The following MUC17 variants were observed in gnomAD, a reference collection of about 807,000 sequenced individuals.
The protein encoded by MUC17 is mucin-17.
Under a neutral mutation model 170.3 loss-of-function variants are expected in MUC17, and 190 were observed. The observed-to-expected ratio is 1.12, with a 90% confidence interval of 0.99 to 1.26. The LOEUF is 1.26. Among genes scored for constraint, MUC17 ranks in the 50% most tolerant of loss-of-function variants. The pLI is 0.00. For synonymous variants in MUC17, 2,325 were observed against 2,002.5 expected (o/e 1.16, Z -4.30); for missense variants, 6,415 against 5,530.0 (o/e 1.16, Z -5.08).
Position 101,051,785 on chromosome 7 carries a change from C to G in MUC17, c.12944-18C>G. ...CCCTCTGATCACGGCTGTTCCCTGT[C>G]CCTGCACCCCCCACCAGAGGACTGC... On this transcript the variant is annotated intron_variant, in intron 8 of 12. Transcript: ENST00000306151. The G allele has an allele frequency of 1.9e-6, 3 of 1,611,352 alleles. No individual in the cohort carries two copies. Among genetic ancestry groups the G allele is most frequent in the Non-Finnish European group, 2.5e-6 (3 of 1,178,088 alleles).
At chr7:101,047,920 C>T in intron 3 of MUC17, 64 bp from the exon 4 acceptor site, 1 of 1,510,788 alleles carries the variant, frequency 6.6e-7, no homozygotes, top group East Asian at 2.4e-5. Flanking sequence ...TAGATCCCTG[C>T]TCCTTCCAGT....
intron 8 of MUC17, 27 bp downstream of exon 8, chr7:101,051,708 G>A (rs1264247185): frequency 3.1e-6 from 5 of 1,609,386 alleles, no homozygotes; most frequent in Non-Finnish European, 3.4e-6. Flanking sequence ...GGGGTTTGGG[G>A]GAAGGCTGGA....
rs768698865 is a variant in MUC17, at chr7:101,034,422, C to G, written c.3006C>G (p.Thr1002=). 6.2e-7 allele frequency: 1 copy of G among 1,607,032 alleles called. No individual in the cohort carries two copies. Among genetic ancestry groups the G allele is most frequent in the African/African-American group, 1.3e-5 (1 of 74,368 alleles). The change falls in exon 3 of 13, where the codon ACC becomes ACG. Residue 1002 remains threonine (T), a synonymous_variant. Transcript: ENST00000306151. ...HTLVANSEAS[T]LSTTPVDSNT... Reference sequence around the variant, plus strand: ...TGGTGGCCAATTCTGAGGCTAGCACCCTTTCAACAACTCCTGTTGACTCCA... The same window carrying G: ...TGGTGGCCAATTCTGAGGCTAGCACGCTTTCAACAACTCCTGTTGACTCCA...
Position 101,035,902 on chromosome 7 carries a change from C to T in MUC17, c.4486C>T (p.Pro1496Ser), listed in dbSNP as rs1189907197. 5 of 1,612,208 alleles carry T rather than the reference C, an allele frequency of 3.1e-6. No individual in the cohort carries two copies. The highest frequency in any genetic ancestry group is 2.2e-5 in the East Asian group (1 of 44,734). ...VVTSTAVSSS[P>S]TPAEGTSIAI... ...CACTTCTACAGCAGTCAGTTCATCT[C>T]CTACACCTGCTGAAGGTACCAGCAT... The change falls in exon 3 of 13, where the codon CCT becomes TCT. Residue 1496 changes from proline (P) to serine (S), a missense_variant. Transcript: ENST00000306151.
At chr7:101,030,473 T>G (rs1794258996) in intron 1 of MUC17, among the ~76,000 whole-genome samples, 1 of 152,214 alleles carries the variant, frequency 6.6e-6, no homozygotes, top group Admixed American at 6.5e-5. Context: ...TCCACCTGCC[T>G]CAGCTTCCCA....
At chr7:101,057,221 G>T (rs1795061001) in intron 12 of MUC17, among the ~76,000 whole-genome samples, 1 of 152,066 alleles carries the variant, frequency 6.6e-6, no homozygotes, top group Non-Finnish European at 1.5e-5. Flanking sequence ...GGTCACTTGG[G>T]CAAAAAGTGA....
At chr7:101,024,143 G>T (rs902625967) in intron 1 of MUC17, among the ~76,000 whole-genome samples, 2 of 151,964 alleles carry the variant, frequency 1.3e-5, no homozygotes, top group African/African-American at 4.8e-5. Flanking sequence ...ATTCATGCCT[G>T]TAATCCCAGC....
Position 101,033,739 on chromosome 7 carries a change from A to T in MUC17, c.2323A>T (p.Ser775Cys). The change falls in exon 3 of 13, where the codon AGC becomes TGC. Residue 775 changes from serine to cysteine, a missense_variant. Coordinates refer to ENST00000306151, the MANE Select transcript of MUC17 (RefSeq NM_001040105.2). Reference sequence around the variant, plus strand: ...CCTTTCAACAACTCCTCTTGACACAAGCACACATATCACCACTTCTACTGA... The same window carrying T: ...CCTTTCAACAACTCCTCTTGACACATGCACACATATCACCACTTCTACTGA... ...STLSTTPLDT[S>C]THITTSTEAS... 1 of 1,613,902 alleles carries T rather than the reference A, an allele frequency of 6.2e-7. No individual in the cohort carries two copies. Among genetic ancestry groups the T allele is most frequent in the Non-Finnish European group, 8.5e-7 (1 of 1,179,850 alleles).
At chr7:101,023,977 G>C (rs1402643624) in intron 1 of MUC17, among the ~76,000 whole-genome samples, 1 of 151,956 alleles carries the variant, frequency 6.6e-6, no homozygotes, top group East Asian at 1.9e-4. Flanking sequence ...GCATCTCCCT[G>C]ATGATTAGTG....
At chr7:101,029,949 A>T (rs1794247090) in intron 1 of MUC17, among the ~76,000 whole-genome samples, 1 of 152,062 alleles carries the variant, frequency 6.6e-6, no homozygotes, top group Admixed American at 6.6e-5. Flanking sequence ...ATGTGACTGT[A>T]CATTGTATTT....
chr7:101,048,431 T>TAA (rs113181867), intron 4 of MUC17, among the ~76,000 whole-genome samples: 2 of 143,930 alleles, frequency 1.4e-5, no homozygotes, highest in African/African-American at 2.6e-5. Context: ...TTTATTTATT[T>TAA]AAAAAAAAAA....
At position 101,039,384 on chromosome 7, in the gene MUC17, TC is replaced by T; in HGVS notation, c.7970del (p.Pro2657LeufsTer8). 2 of 1,611,902 alleles carry T rather than the reference TC, an allele frequency of 1.2e-6. No homozygotes were observed. Among genetic ancestry groups the T allele is most frequent in the Non-Finnish European group, 1.7e-6 (2 of 1,179,174 alleles). ...SSEASTLSTT[P>X]VDTRTLVTTS... Reference sequence around the variant, plus strand: ...CTGAGGCTAGCACCCTTTCAACAACTCCTGTTGACACCAGGACACTTGTGAC... The same window carrying T: ...CTGAGGCTAGCACCCTTTCAACAACTCTGTTGACACCAGGACACTTGTGAC... On this transcript the variant is annotated frameshift_variant, in exon 3 of 13. Coordinates refer to ENST00000306151, the MANE Select transcript of MUC17 (RefSeq NM_001040105.2). LOFTEE classifies it high-confidence loss of function.
rs930740727 is a variant in MUC17 at position 101,049,501 on chromosome 7, C to T, written c.12722+119C>T. On this transcript the variant is annotated intron_variant, in intron 6 of 12. Coordinates refer to ENST00000306151, the MANE Select transcript of MUC17 (RefSeq NM_001040105.2). ...TGCCCAGGCAGCTATTGCAGAATAC[C>T]ACCGATGGGGCGGCTTAAACAACAG... 9 of 1,351,846 alleles carry T rather than the reference C, an allele frequency of 6.7e-6. No individual in the cohort carries two copies. In the African/African-American group the frequency reaches 1.2e-4, roughly 18 times the overall value. The allele number at this position is 1,351,846 out of a possible 1,614,324, so 83.7% of individuals were successfully genotyped here. A position where few individuals can be genotyped will look rare whatever the true frequency, so the allele number is the denominator to read the frequency against.
chr7:101,043,003 A>C lies in MUC17; in HGVS notation c.11587A>C (p.Thr3863Pro). 1 of 1,614,078 alleles carries C rather than the reference A, an allele frequency of 6.2e-7. No individual in the cohort carries two copies. Among genetic ancestry groups the C allele is most frequent in the Non-Finnish European group, 8.5e-7 (1 of 1,180,026 alleles). The part of the protein sequence containing the change: ...GSFSIPAEVT[T>P]IRISITSERS... ...ATTCTCCATACCTGCTGAAGTCACTACCATACGTATTTCAATTACCAGTGA... is the reference window on the plus strand; with the variant it reads ...ATTCTCCATACCTGCTGAAGTCACTCCCATACGTATTTCAATTACCAGTGA... The change falls in exon 3 of 13, where the codon ACC (threonine) becomes CCC (proline). Residue 3863 changes from threonine to proline, a missense_variant. By Grantham distance (38) the Thr-to-Pro change is conservative (BLOSUM62 -1). Coordinates refer to ENST00000306151, the MANE Select transcript of MUC17 (RefSeq NM_001040105.2).
Position 101,031,567 on chromosome 7 carries a change from A to T in MUC17, c.185-34A>T, listed in dbSNP as rs375185028. Reference sequence around the variant, plus strand: ...CTCCTGACATACAGAACCCTAAGAAACTTCTAAACAAAATATCATTGTATC... The same window carrying T: ...CTCCTGACATACAGAACCCTAAGAATCTTCTAAACAAAATATCATTGTATC... On this transcript the variant is annotated intron_variant, in intron 2 of 12. Transcript: ENST00000306151. 13 of 1,509,554 alleles carry T rather than the reference A, an allele frequency of 8.6e-6. No individual in the cohort carries two copies. The African/African-American group carries it at 1.7e-4, about 19-fold the overall frequency. The allele number at this position is 1,509,554 out of a possible 1,614,324, so 93.5% of individuals were successfully genotyped here.
intron 1 of MUC17, among the ~76,000 whole-genome samples, chr7:101,024,118 T>G (rs1363753281): frequency 2.0e-5 from 3 of 152,030 alleles, no homozygotes; most frequent in Non-Finnish European, 4.4e-5. Context: ...GAGAAATTGC[T>G]GACCAGGAGT....
In MUC17 at chr7:101,039,278, C is replaced by A. The variant is rs761462883; in HGVS notation, c.7862C>A (p.Thr2621Asn). The A allele has an allele frequency of 3.7e-6, 6 of 1,612,330 alleles. No homozygotes were observed. The highest frequency in any genetic ancestry group is 2.2e-5 in the South Asian group (2 of 90,958). ...TCATCTCCTACAACTGCAAAAGATA[C>A]CAGCATGCCAATCTCAACTCCTAGT... Reference protein sequence around the residue: ...TSSSPTTAKDTSMPISTPSEV... With the variant: ...TSSSPTTAKDNSMPISTPSEV... Residue 2621 changes from threonine (T) to asparagine (N), a missense_variant, in exon 3 of 13, where the codon ACC (threonine) becomes AAC (asparagine). Coordinates refer to ENST00000306151, the MANE Select transcript of MUC17 (RefSeq NM_001040105.2).
At chr7:101,055,420 A>T (rs1795028973) in intron 11 of MUC17, among the ~76,000 whole-genome samples, 1 of 152,198 alleles carries the variant, frequency 6.6e-6, no homozygotes, top group Non-Finnish European at 1.5e-5. Context: ...ACTTTAAAGC[A>T]AAAAGAATTA....
In MUC17 at chr7:101,038,711, C is replaced by G; in HGVS notation, c.7295C>G (p.Thr2432Ser). The change falls in exon 3 of 13, where the codon ACT becomes AGT. Residue 2432 changes from threonine to serine, a missense_variant. Transcript: ENST00000306151. ...VDTSTPVTTS[T>S]EASSSPTTAE... ...ACCAGCACACCTGTCACCACTTCTA[C>G]TGAAGCCAGTTCATCTCCTACAACT... 1 of 1,613,990 alleles carries G rather than the reference C, an allele frequency of 6.2e-7. No homozygotes were observed. The highest frequency in any genetic ancestry group is 8.5e-7 in the Non-Finnish European group (1 of 1,179,970).
Sources: allele counts gnomAD v4.1 joint callset (sites outside exome capture counted in the v4.1 genomes callset), GRCh38; gene constraint gnomAD v4.1.1; transcripts MANE v1.5; gene names NCBI Gene and HGNC (gene_info 2026-07-23, HGNC 2026-07-21).